Variants in TENM4 observed in about 807,000 individuals in gnomAD.
TENM4 encodes the protein teneurin transmembrane protein 4, also known as teneurin-4.
In TENM4, 82 loss-of-function variants were observed where a neutral mutation model predicts 243.3. That is an observed-to-expected ratio of 0.34 (90% CI 0.28 to 0.40). The LOEUF (loss-of-function observed/expected upper bound fraction) is 0.40. TENM4 is among the 10% of genes least tolerant of loss of function. The probability of loss-of-function intolerance (pLI) is 1.00; values close to 1 mark genes in which losing one functional copy is unlikely to be tolerated. For missense variants in TENM4, 3,138 were observed against 3,673.3 expected (o/e 0.85, Z 3.77); for synonymous variants, 1,412 against 1,456.3 (o/e 0.97, Z 0.69).
intron 3 of TENM4, among the ~76,000 whole-genome samples, chr11:79,163,886 A>C (rs1397881365): frequency 6.9e-6 from 1 of 144,462 alleles, no homozygotes; most frequent in Non-Finnish European, 1.5e-5. Context: ...ATGTACATAT[A>C]TTATATATGG....
intron 4 of TENM4, among the ~76,000 whole-genome samples, chr11:79,087,988 C>T (rs1056649206): frequency 1.3e-5 from 2 of 152,216 alleles, no homozygotes; most frequent in African/African-American, 4.8e-5. Flanking sequence ...AGCTCTGGCC[C>T]TTGGCCCCGC....
intron 20 of TENM4, among the ~76,000 whole-genome samples, chr11:78,738,137 G>A (rs181046931): frequency 6.6e-6 from 1 of 152,324 alleles, no homozygotes; most frequent in Non-Finnish European, 1.5e-5. Context: ...GATTTCTCAA[G>A]CTGTCTGTTC....
At chr11:79,363,901 G>A (rs1396155985) in intron 1 of TENM4, among the ~76,000 whole-genome samples, 2 of 152,164 alleles carry the variant, frequency 1.3e-5, no homozygotes, top group African/African-American at 4.8e-5. Flanking sequence ...TTGTTTCAGT[G>A]AAATGACCGT....
At chr11:79,173,959 G>A (rs1251988922) in intron 3 of TENM4, among the ~76,000 whole-genome samples, 1 of 152,170 alleles carries the variant, frequency 6.6e-6, no homozygotes, top group Non-Finnish European at 1.5e-5. Flanking sequence ...TCTCATTTAT[G>A]TTTATGAAAA....
intron 1 of TENM4, among the ~76,000 whole-genome samples, chr11:79,387,887 C>A (rs915631150): frequency 6.6e-6 from 1 of 152,136 alleles, no homozygotes; most frequent in African/African-American, 2.4e-5. Flanking sequence ...TGCTTGTGGT[C>A]CCAGCTCCTT....
chr11:79,348,845 G>A (rs894215628), intron 1 of TENM4, among the ~76,000 whole-genome samples: 4 of 152,212 alleles, frequency 2.6e-5, no homozygotes, highest in Non-Finnish European at 4.4e-5. Context: ...TCCAGAAAAT[G>A]GGGATAATTA....
intron 1 of TENM4, among the ~76,000 whole-genome samples, chr11:79,340,340 G>A (rs896750216): frequency 2.6e-5 from 4 of 152,108 alleles, no homozygotes; most frequent in African/African-American, 9.7e-5. Flanking sequence ...AGTCTGGAGG[G>A]CCCTTCTGTC....
intron 1 of TENM4, among the ~76,000 whole-genome samples, chr11:79,338,820 G>A (rs1590890840): frequency 1.3e-5 from 2 of 152,204 alleles, no homozygotes; most frequent in African/African-American, 4.8e-5. Flanking sequence ...CACACTCACG[G>A]AGCCTCAGTT....
chr11:78,807,476 C>T (rs1333576209), intron 14 of TENM4, among the ~76,000 whole-genome samples: 3 of 152,192 alleles, frequency 2.0e-5, no homozygotes, highest in African/African-American at 7.2e-5. Context: ...CTGCAAAGCA[C>T]TGCATGGAAA....
At chr11:79,237,696 G>A (rs1366653857) in intron 2 of TENM4, among the ~76,000 whole-genome samples, 1 of 152,142 alleles carries the variant, frequency 6.6e-6, no homozygotes, top group Non-Finnish European at 1.5e-5. Context: ...AAAAAATAAA[G>A]TAAGCACAAA....
intron 9 of TENM4, among the ~76,000 whole-genome samples, chr11:78,889,177 C>T (rs373760556): frequency 2.2e-4 from 34 of 152,310 alleles, no homozygotes; most frequent in African/African-American, 7.9e-4. Flanking sequence ...CCTCAGCCAG[C>T]GTTCTCTGCT....
intron 1 of TENM4, among the ~76,000 whole-genome samples, chr11:79,414,056 C>T (rs1041304273): frequency 6.6e-6 from 1 of 151,862 alleles, no homozygotes; most frequent in Non-Finnish European, 1.5e-5. Flanking sequence ...TATCTCTATA[C>T]CTCAAAATTC....
intron 19 of TENM4, among the ~76,000 whole-genome samples, chr11:78,752,143 A>G (rs2135942188): frequency 6.6e-6 from 1 of 152,268 alleles, no homozygotes; most frequent in East Asian, 1.9e-4. Flanking sequence ...TGTCAGATAG[A>G]GCTACTGTAT....
intron 6 of TENM4, among the ~76,000 whole-genome samples, chr11:79,035,439 C>T (rs538113913): frequency 3.9e-4 from 59 of 152,172 alleles, no homozygotes; most frequent in African/African-American, 1.4e-3. Flanking sequence ...TATGTCTCTT[C>T]ATCCTGCCTT....
intron 4 of TENM4, among the ~76,000 whole-genome samples, chr11:79,116,704 C>G (rs996518500): frequency 1.3e-5 from 2 of 152,200 alleles, no homozygotes; most frequent in African/African-American, 2.4e-5. Context: ...GATTTACTTA[C>G]TGTTTAGCAA....
intron 9 of TENM4, 130 bp downstream of exon 9, chr11:78,889,655 G>T: frequency 9.8e-7 from 1 of 1,023,870 alleles, no homozygotes. Flanking sequence ...CAGAACTCCA[G>T]GGCTGCCTGG....
intron 12 of TENM4, among the ~76,000 whole-genome samples, chr11:78,818,361 C>T (rs553091853): frequency 8.5e-5 from 13 of 152,266 alleles, no homozygotes; most frequent in East Asian, 1.9e-4. Context: ...GAGAAAGGGA[C>T]GAAAGCATAT....
chr11:78,752,961 T>C (rs938657667), intron 19 of TENM4, among the ~76,000 whole-genome samples: 3 of 152,216 alleles, frequency 2.0e-5, no homozygotes, highest in Admixed American at 1.3e-4. Flanking sequence ...AGGTACTAGG[T>C]TGAGACTTTA....
intron 1 of TENM4, among the ~76,000 whole-genome samples, chr11:79,350,064 A>T (rs1337894116): frequency 6.6e-6 from 1 of 152,196 alleles, no homozygotes; most frequent in African/African-American, 2.4e-5. Context: ...AATGGGATAA[A>T]GCAGACATAG....
Sources: gnomAD v4.1 joint callset for allele counts (sites outside exome capture counted in the v4.1 genomes callset) on GRCh38, gnomAD v4.1.1 for gene constraint, MANE v1.5 for transcripts, NCBI Gene and HGNC (gene_info 2026-07-23, HGNC 2026-07-21) for gene names.